SHPRH: variants seen among roughly 807,000 people sequenced by gnomAD.
SHPRH encodes E3 ubiquitin-protein ligase SHPRH.
A neutral mutation model predicts 202.5 loss-of-function variants in SHPRH; 106 were observed. The ratio of observed to expected loss-of-function variants is 0.52; its 90% CI spans 0.45 to 0.62. The LOEUF (loss-of-function observed/expected upper bound fraction) is 0.62. Among genes scored for constraint, SHPRH ranks in the 20% least tolerant of loss-of-function variants. The probability of loss-of-function intolerance (pLI) is 0.00; values close to 1 mark genes in which losing one functional copy is unlikely to be tolerated. For synonymous variants in SHPRH, 729 were observed against 686.0 expected, an observed-to-expected ratio of 1.06 and a Z score of -0.98; for missense variants, 1,710 against 2,020.0, an observed-to-expected ratio of 0.85 and a Z score of 2.94.
chr6:145,886,870 CAT>C, intron 29 of SHPRH, 83 bp from the exon 30 acceptor site: 2 of 1,400,390 alleles, frequency 1.4e-6, no homozygotes, highest in South Asian at 1.6e-5. Context: ...GAACTAGACA[CAT>C]ATTTTTTCTT....
chr6:145,901,186 T>C (rs1028865423), intron 25 of SHPRH, among the ~76,000 whole-genome samples: 4 of 152,098 alleles, frequency 2.6e-5, no homozygotes, highest in African/African-American at 9.7e-5. Flanking sequence ...TCCAAATACA[T>C]AACACTCTAA....
intron 11 of SHPRH, among the ~76,000 whole-genome samples, chr6:145,938,557 A>C (rs1416388708): frequency 6.6e-6 from 1 of 152,184 alleles, no homozygotes; most frequent in African/African-American, 2.4e-5. Flanking sequence ...AAAATAAATA[A>C]ATGACTACAT....
At chr6:145,919,713 A>G (rs996845051) in intron 21 of SHPRH, among the ~76,000 whole-genome samples, 1 of 152,194 alleles carries the variant, frequency 6.6e-6, no homozygotes, top group Admixed American at 6.6e-5. Flanking sequence ...CAGAATATAA[A>G]GATTTCTTGC....
At chr6:145,870,732 C>G (rs1780022420) in intron 2 of SHPRH, among the ~76,000 whole-genome samples, 1 of 152,120 alleles carries the variant, frequency 6.6e-6, no homozygotes, top group South Asian at 2.1e-4. Context: ...TGTTCCTGAT[C>G]TGAGAGGGAA....
chr6:145,910,654 C>T lies in SHPRH; in HGVS notation c.4327-18G>A, dbSNP rs1230185843. On this transcript the variant is annotated intron_variant, in intron 24 of 29. Coordinates refer to ENST00000275233, the MANE Select transcript of SHPRH (RefSeq NM_001042683.3). The stretch of plus-strand genomic sequence containing the variant: ...ACCGCCCACTAAAAAGAAAACAGAA[C>T]AAGCCTTAGTGCTATCAAAGATGCC... 6.3e-7 allele frequency: 1 copy of T among 1,590,780 alleles called. No individual in the cohort carries two copies.
chr6:145,939,721 A>C (rs1786535082), intron 11 of SHPRH, among the ~76,000 whole-genome samples: 1 of 152,174 alleles, frequency 6.6e-6, no homozygotes, highest in African/African-American at 2.4e-5. Context: ...TTCTATAAAT[A>C]TGTATCTAAA....
rs548043648 is a variant in SHPRH at position 145,930,599 on chromosome 6, T to G, written c.3112+2458A>C. 3.3e-4 allele frequency among the ~76,000 whole-genome samples: 50 copies of G among 152,312 alleles called. 1 individual carries two copies. The highest frequency in any genetic ancestry group is 1.2e-3 in the African/African-American group (49 of 41,572). On this transcript the variant is annotated intron_variant, in intron 14 of 29. Coordinates refer to ENST00000275233, the MANE Select transcript of SHPRH (RefSeq NM_001042683.3). ...GGGCATAGAACACACTCTGTAAGCA[T>G]GAATCCTTTGAAATTTACTGCCTTG... is the stretch of plus-strand genomic sequence containing the variant.
intron 23 of SHPRH, among the ~76,000 whole-genome samples, chr6:145,915,529 T>C (rs971918754): frequency 1.3e-5 from 2 of 152,000 alleles, no homozygotes; most frequent in Admixed American, 6.6e-5. Flanking sequence ...TTTCACTTTT[T>C]TTAAAAAAAG....
intron 2 of SHPRH, among the ~76,000 whole-genome samples, chr6:145,953,134 A>G (rs1338488290): frequency 1.3e-5 from 2 of 152,204 alleles, no homozygotes; most frequent in East Asian, 3.9e-4. Context: ...TTCTAATGGT[A>G]GACACTCAAT....
In SHPRH at chr6:145,943,612, T is replaced by C. The variant is rs779174391; in HGVS notation, c.1769A>G (p.Gln590Arg). ...LVPSTKKGKS[Q>R]PFINPDSQGH... ...TTGTGAATCGGGATTGATAAATGGT[T>C]GACTTTTTCCTTTTTTTGTGGATGG... Residue 590 changes from glutamine to arginine, a missense_variant, in exon 9 of 30, where the codon CAA (glutamine) becomes CGA (arginine). Coordinates refer to ENST00000275233, the MANE Select transcript of SHPRH (RefSeq NM_001042683.3). The C allele has an allele frequency of 2.5e-6, 4 of 1,613,796 alleles. No homozygotes were observed. The South Asian group carries it at 4.4e-5, about 18-fold the overall frequency.
At chr6:145,951,966 C>G (rs1245818735) in intron 3 of SHPRH, 1 of 442,684 alleles carries the variant, frequency 2.3e-6, no homozygotes, top group African/African-American at 2.0e-5. Context: ...TTTATGGGAA[C>G]CAGGCTTTTG....
intron 2 of SHPRH, among the ~76,000 whole-genome samples, chr6:145,874,820 C>T (rs1780228494): frequency 6.6e-6 from 1 of 152,068 alleles, no homozygotes. Context: ...ATAAACTTGT[C>T]AATGATTATG....
At position 145,963,142 on chromosome 6, in the gene SHPRH, TC is replaced by T. The variant is rs150156075; in HGVS notation, c.-33+588del. On this transcript the variant is annotated intron_variant, in intron 1 of 29. Transcript: ENST00000275233. ...TTAAAGCTCTAGAAAGTGCAGGTTA[TC>T]GAGCACAGACATAATCATTACAATA... 6.0e-3 allele frequency among the ~76,000 whole-genome samples: 915 copies of T among 152,356 alleles called. 10 individuals carry two copies. Among genetic ancestry groups the T allele is most frequent in the African/African-American group, 0.021 (866 of 41,576 alleles).
chr6:145,940,742 T>C lies in SHPRH; in HGVS notation c.2550A>G (p.Pro850=). 1 of 1,613,798 alleles carries C rather than the reference T, an allele frequency of 6.2e-7. No individual in the cohort carries two copies. Among genetic ancestry groups the C allele is most frequent in the Non-Finnish European group, 8.5e-7 (1 of 1,179,820 alleles). The change falls in exon 11 of 30, where the codon CCA becomes CCG. Residue 850 remains proline (P), a synonymous_variant. Coordinates refer to ENST00000275233, the MANE Select transcript of SHPRH (RefSeq NM_001042683.3). ...CATTACCCTCTAATCCTCTCTGTAC[T>C]GGAGTGCCACTGATACACCATCGAT... ...GINRWCISGT[P]VQRGLEDLFG... is the part of the protein sequence containing the mutation.
At chr6:145,898,422 C>A (rs1394794757) in intron 25 of SHPRH, among the ~76,000 whole-genome samples, 1 of 150,600 alleles carries the variant, frequency 6.6e-6, no homozygotes, top group Non-Finnish European at 1.5e-5. Context: ...AGACTCAATG[C>A]AATCCCTATT....
At chr6:145,910,664 T>C (rs1287458714) in intron 24 of SHPRH, 28 bp from the exon 25 acceptor site, 2 of 1,525,656 alleles carry the variant, frequency 1.3e-6, no homozygotes, top group Non-Finnish European at 1.8e-6. Flanking sequence ...CAAGCCTTAG[T>C]GCTATCAAAG....
At chr6:145,902,192 C>T (rs185185464) in intron 25 of SHPRH, among the ~76,000 whole-genome samples, 1 of 152,152 alleles carries the variant, frequency 6.6e-6, no homozygotes, top group Admixed American at 6.6e-5. Flanking sequence ...GAAGTCAACA[C>T]ACTGAAAAAA....
rs1316166768 is a variant in SHPRH, at chr6:145,947,385, C to G, written c.1212+108G>C. On this transcript the variant is annotated intron_variant, in intron 6 of 29. Transcript: ENST00000275233. ...AACCACTAATATAAATCATTACCCACAGAGTGAACAGAAAGTGTTGACTTA... is the reference window on the plus strand; with the variant it reads ...AACCACTAATATAAATCATTACCCAGAGAGTGAACAGAAAGTGTTGACTTA... 13 of 1,253,206 alleles carry G rather than the reference C, an allele frequency of 1.0e-5. 1 individual carries two copies. Among genetic ancestry groups the G allele is most frequent in the Non-Finnish European group, 1.3e-5 (12 of 911,324 alleles). The allele number at this position is 1,253,206 out of a possible 1,614,324, so 77.6% of individuals were successfully genotyped here. A position where few individuals can be genotyped will look rare whatever the true frequency, so the allele number is the denominator to read the frequency against.
intron 2 of SHPRH, among the ~76,000 whole-genome samples, chr6:145,873,384 C>T (rs1057119249): frequency 2.0e-5 from 3 of 151,954 alleles, no homozygotes; most frequent in African/African-American, 7.3e-5. Context: ...AGGATGAATG[C>T]CATTTACCAA....
Sources: allele counts gnomAD v4.1 joint callset (sites outside exome capture counted in the v4.1 genomes callset), GRCh38; gene constraint gnomAD v4.1.1; transcripts MANE v1.5; gene names NCBI Gene and HGNC (gene_info 2026-07-23, HGNC 2026-07-21).